The following MNAT1 variants were observed in gnomAD, a reference collection of about 807,000 sequenced individuals.
MNAT1 encodes CDK-activating kinase assembly factor MAT1.
In MNAT1, 43 loss-of-function variants were observed where a neutral mutation model predicts 42.0. That is an observed-to-expected ratio of 1.02 (90% CI 0.80 to 1.32). The LOEUF (loss-of-function observed/expected upper bound fraction) is 1.32, where lower values mean the gene tolerates loss of function less well. Among genes scored for constraint, MNAT1 ranks in the 40% most tolerant of loss-of-function variants. MNAT1 has a pLI of 0.00. For synonymous variants in MNAT1, 118 were observed against 120.0 expected (o/e 0.98, Z 0.11); for missense variants, 306 against 350.4 (o/e 0.87, Z 1.01).
chr14:60,888,261 G>T (rs1243812568), intron 7 of MNAT1, among the ~76,000 whole-genome samples: 1 of 150,942 alleles, frequency 6.6e-6, no homozygotes, highest in Non-Finnish European at 1.5e-5. Flanking sequence ...TGATCAAGTG[G>T]GCTTCATCCC....
chr14:60,929,162 AAAAAAAAAAT>A (rs1222948009), intron 7 of MNAT1, among the ~76,000 whole-genome samples: 11 of 127,958 alleles, frequency 8.6e-5, no homozygotes, highest in Non-Finnish European at 1.3e-4. Context: ...AAAAAAAAAA[AAAAAAAAAAT>A]ATATATATAT....
intron 1 of MNAT1, among the ~76,000 whole-genome samples, chr14:60,743,331 C>T (rs1896526388): frequency 6.6e-6 from 1 of 152,178 alleles, no homozygotes; most frequent in East Asian, 1.9e-4. Flanking sequence ...CTCTGTCGCC[C>T]AGGCTGGAGT....
At chr14:60,825,032 G>A (rs148627597) in intron 6 of MNAT1, among the ~76,000 whole-genome samples, 4 of 152,122 alleles carry the variant, frequency 2.6e-5, no homozygotes, top group African/African-American at 7.2e-5. Flanking sequence ...AAAAAAACAA[G>A]CCACAAAGTG....
At chr14:60,764,085 G>A (rs755218347) in intron 1 of MNAT1, among the ~76,000 whole-genome samples, 3 of 152,138 alleles carry the variant, frequency 2.0e-5, no homozygotes, top group Non-Finnish European at 4.4e-5. Context: ...GCTATACACA[G>A]TACTGTCTTT....
intron 7 of MNAT1, among the ~76,000 whole-genome samples, chr14:60,881,939 C>T (rs2034560001): frequency 6.6e-6 from 1 of 152,120 alleles, no homozygotes; most frequent in Non-Finnish European, 1.5e-5. Context: ...GTGGGCAGAT[C>T]ACTTGAGGTC....
At chr14:60,911,690 T>TTGTTA (rs1358117101) in intron 7 of MNAT1, among the ~76,000 whole-genome samples, 1 of 152,222 alleles carries the variant, frequency 6.6e-6, no homozygotes, top group Non-Finnish European at 1.5e-5. Flanking sequence ...GAGAGACAGT[T>TTGTTA]TGTTATAATT....
intron 7 of MNAT1, among the ~76,000 whole-genome samples, chr14:60,918,994 A>G (rs1317949124): frequency 2.0e-5 from 3 of 151,872 alleles, no homozygotes; most frequent in Non-Finnish European, 4.4e-5. Flanking sequence ...TGAAGGGGCA[A>G]GAGAAGGCAG....
At chr14:60,911,524 T>C (rs1226409332) in intron 7 of MNAT1, among the ~76,000 whole-genome samples, 1 of 152,192 alleles carries the variant, frequency 6.6e-6, no homozygotes, top group East Asian at 1.9e-4. Flanking sequence ...GTATGTTGTG[T>C]CTTTGTTCTC....
intron 7 of MNAT1, among the ~76,000 whole-genome samples, chr14:60,924,140 A>G (rs937004302): frequency 2.6e-5 from 4 of 152,168 alleles, no homozygotes; most frequent in African/African-American, 9.7e-5. Flanking sequence ...TTTTTTAGTG[A>G]TGAAAACTTC....
chr14:60,843,963 A>G (rs2033616531), intron 6 of MNAT1, among the ~76,000 whole-genome samples: 1 of 152,076 alleles, frequency 6.6e-6, no homozygotes, highest in African/African-American at 2.4e-5. Context: ...ATTTTTATGT[A>G]TGGTATACAG....
intron 7 of MNAT1, among the ~76,000 whole-genome samples, chr14:60,921,959 T>C (rs1283236820): frequency 2.0e-5 from 3 of 152,168 alleles, no homozygotes; most frequent in Non-Finnish European, 4.4e-5. Flanking sequence ...CAGTCATTGG[T>C]TTAATACTTT....
chr14:60,952,276 G>A (rs114249734), intron 7 of MNAT1, among the ~76,000 whole-genome samples: 180 of 152,290 alleles, frequency 1.2e-3, no homozygotes, highest in African/African-American at 4.1e-3. Flanking sequence ...TGAATGGTAG[G>A]CTAAGGAATT....
intron 5 of MNAT1, among the ~76,000 whole-genome samples, chr14:60,816,504 T>C (rs972011386): frequency 3.9e-5 from 6 of 152,090 alleles, no homozygotes; most frequent in African/African-American, 1.4e-4. Context: ...TAAAGTCAGT[T>C]AAAATAATCT....
intron 5 of MNAT1, among the ~76,000 whole-genome samples, chr14:60,817,382 A>G (rs1388392971): frequency 6.6e-6 from 1 of 151,856 alleles, no homozygotes; most frequent in East Asian, 1.9e-4. Flanking sequence ...TTCCTTCATT[A>G]TTGTTAAAGC....
chr14:60,945,815 GCTT>G lies in MNAT1; in HGVS notation c.810-22408_810-22406del, dbSNP rs1315849512. 2.0e-5 allele frequency among the ~76,000 whole-genome samples: 3 copies of G among 152,252 alleles called. No individual in the cohort carries two copies. In the East Asian group the frequency reaches 5.8e-4, roughly 29 times the overall value. Reference sequence around the variant, plus strand: ...TATCATTTTGCACACAGATACGGTGGCTTCTTCTCTCACATCCCACAGTGGCTT... The same window carrying G: ...TATCATTTTGCACACAGATACGGTGGCTTCTCTCACATCCCACAGTGGCTT... On this transcript the variant is annotated intron_variant, in intron 7 of 7. Transcript: ENST00000261245.
chr14:60,736,273 G>A (rs1332560283), intron 1 of MNAT1, among the ~76,000 whole-genome samples: 3 of 151,734 alleles, frequency 2.0e-5, no homozygotes, highest in African/African-American at 7.3e-5. Context: ...GTTTGTTATG[G>A]TGGAACAGGA....
intron 6 of MNAT1, among the ~76,000 whole-genome samples, chr14:60,865,250 ATAG>A (rs1354475918): frequency 2.6e-5 from 4 of 152,094 alleles, no homozygotes; most frequent in South Asian, 2.1e-4. Flanking sequence ...TGCTTATGTA[ATAG>A]TAGTAGTATT....
chr14:60,903,490 TTTAA>T (rs1244698525), intron 7 of MNAT1, among the ~76,000 whole-genome samples: 1 of 152,166 alleles, frequency 6.6e-6, no homozygotes, highest in Non-Finnish European at 1.5e-5. Flanking sequence ...GAAATTTAAA[TTTAA>T]TCAGCTATAT....
chr14:60,939,160 T>C (rs941133109), intron 7 of MNAT1, among the ~76,000 whole-genome samples: 1 of 152,210 alleles, frequency 6.6e-6, no homozygotes, highest in Admixed American at 6.5e-5. Context: ...TCTATCAATT[T>C]TGTTGATCTT....
Sources: gnomAD v4.1 joint callset for allele counts (sites outside exome capture counted in the v4.1 genomes callset) on GRCh38, gnomAD v4.1.1 for gene constraint, MANE v1.5 for transcripts, NCBI Gene and HGNC (gene_info 2026-07-23, HGNC 2026-07-21) for gene names.